The following ZNF765 variants were observed in gnomAD, a reference collection of about 807,000 sequenced individuals.
The protein encoded by ZNF765 is zinc finger protein 765.
A neutral mutation model predicts 44.7 loss-of-function variants in ZNF765; 37 were observed. The observed-to-expected ratio is 0.83, with a 90% CI of 0.64 to 1.09. The LOEUF (loss-of-function observed/expected upper bound fraction) is 1.09. ZNF765 is among the 50% of genes least tolerant of loss of function. The pLI, the probability that ZNF765 is intolerant of heterozygous loss-of-function variation, is 0.00. For missense variants in ZNF765, 594 were observed against 626.1 expected (o/e 0.95, Z 0.55); for synonymous variants, 201 against 213.7 (o/e 0.94, Z 0.52).
Position 53,408,090 on chromosome 19 carries a change from A to T in ZNF765, c.535A>T (p.Arg179Ter), listed in dbSNP as rs761040366. ...TGCTTCCTTGGTTTCAACAGCCCAAAGAATTTCTTGTAGGCCTGAAACCCA... is the reference window on the plus strand; with the variant it reads ...TGCTTCCTTGGTTTCAACAGCCCAATGAATTTCTTGTAGGCCTGAAACCCA... Reference protein sequence around the residue: ...HDASLVSTAQRISCRPETHIS... With the variant: ...HDASLVSTAQ The change falls in exon 4 of 4, where the codon AGA (arginine) becomes TGA (stop). Residue 179 changes from arginine (R) to a stop codon, truncating the protein, a stop_gained. Coordinates refer to ENST00000396408, the MANE Select transcript of ZNF765 (RefSeq NM_001040185.3). LOFTEE classifies it high-confidence loss of function. The T allele has an allele frequency of 6.2e-7, 1 of 1,614,194 alleles. No homozygotes were observed. The highest frequency in any genetic ancestry group is 1.1e-5 in the South Asian group (1 of 91,088).
intron 1 of ZNF765, among the ~76,000 whole-genome samples, chr19:53,397,090 G>C (rs910946235): frequency 7.2e-5 from 11 of 152,214 alleles, no homozygotes; most frequent in African/African-American, 1.9e-4. Flanking sequence ...AGAGGGACTC[G>C]GGAGTCTACT....
At chr19:53,402,212 G>C in intron 3 of ZNF765, 21 bp downstream of exon 3, 17 of 1,607,736 alleles carry the variant, frequency 1.1e-5, no homozygotes, top group Non-Finnish European at 1.4e-5. Flanking sequence ...CTTCCCTCCT[G>C]GGGATGTGCC....
chr19:53,403,025 AT>A lies in ZNF765; in HGVS notation c.142+836del, dbSNP rs531369323. On this transcript the variant is annotated intron_variant, in intron 3 of 3. Coordinates refer to ENST00000396408, the MANE Select transcript of ZNF765 (RefSeq NM_001040185.3). ...CCCCCTCTCTACTAAAAATACAAAAATTAGCCAGGTGTGGTGGCACGTGCCT... is the reference window on the plus strand; with the variant it reads ...CCCCCTCTCTACTAAAAATACAAAAATAGCCAGGTGTGGTGGCACGTGCCT... Among the ~76,000 whole-genome samples, 22 of 152,224 alleles carry A rather than the reference AT, an allele frequency of 1.4e-4. No individual in the cohort carries two copies. In the South Asian group the frequency reaches 4.1e-3, roughly 29 times the overall value.
chr19:53,403,126 A>T (rs1342102476), intron 3 of ZNF765, among the ~76,000 whole-genome samples: 1 of 151,602 alleles, frequency 6.6e-6, no homozygotes, highest in Admixed American at 6.6e-5. Context: ...TTGCCACTGC[A>T]CTCCAGACTG....
chr19:53,418,591 G>A (rs917576865), intron 3 of ZNF765, among the ~76,000 whole-genome samples: 1 of 152,036 alleles, frequency 6.6e-6, no homozygotes, highest in African/African-American at 2.4e-5. Context: ...GGAATAGAAG[G>A]AGGTATATAA....
At chr19:53,415,005 C>T (rs1327189595), downstream of ZNF765, among the ~76,000 whole-genome samples, 2 of 152,128 alleles carry the variant, frequency 1.3e-5, no homozygotes. Flanking sequence ...CGCACGGTGG[C>T]TTACACCTGT....
In ZNF765 at chr19:53,408,699, C is replaced by T. The variant is rs1484957850; in HGVS notation, c.1144C>T (p.Pro382Ser). Residue 382 changes from proline to serine, a missense_variant, in exon 4 of 4, where the codon CCT becomes TCT. Coordinates refer to ENST00000396408, the MANE Select transcript of ZNF765 (RefSeq NM_001040185.3). ...TCATAGAGTTCATACTGGAGAGAAA[C>T]CTTACAAGTGTAATGAGTGTAGCAA... Reference protein sequence around the residue: ...CHHRVHTGEKPYKCNECSKTF... With the variant: ...CHHRVHTGEKSYKCNECSKTF... The T allele has an allele frequency of 1.3e-6, 2 of 1,532,266 alleles. No individual in the cohort carries two copies. The highest frequency in any genetic ancestry group is 1.8e-6 in the Non-Finnish European group (2 of 1,128,514). The allele number at this position is 1,532,266 out of a possible 1,614,324, so 94.9% of individuals were successfully genotyped here.
chr19:53,422,626 G>A (rs1051811579), intron 3 of ZNF765, among the ~76,000 whole-genome samples: 11 of 151,860 alleles, frequency 7.2e-5, no homozygotes, highest in South Asian at 4.2e-4. Context: ...CCAGGCTGGC[G>A]TGCAGTGGCG....
chr19:53,413,388 C>T (rs1328629789), downstream of ZNF765: 10 of 553,046 alleles, frequency 1.8e-5, no homozygotes, highest in Middle Eastern at 3.5e-3. Context: ...GCTGTCTGAG[C>T]ATTACAATCA....
At chr19:53,405,937 AT>A (rs1568779011) in intron 3 of ZNF765, among the ~76,000 whole-genome samples, 58 of 94,474 alleles carry the variant, frequency 6.1e-4, no homozygotes, top group Non-Finnish European at 9.8e-4. Context: ...ATATATATAT[AT>A]ATATATATAT....
At position 53,409,811 on chromosome 19, in the gene ZNF765, A is replaced by C; in HGVS notation, c.*684A>C. 1.4e-6 allele frequency: 1 copy of C among 733,124 alleles called. No individual in the cohort carries two copies. 45.4% of individuals were successfully genotyped at this position (733,124 alleles called of 1,614,324 possible). A position where few individuals can be genotyped will look rare whatever the true frequency, so the allele number is the denominator to read the frequency against. ...GTGTAGTGAGTGTGGCAAGACCTTT[A>C]GTCTGAAGTCATACCTTACGCACCA... On this transcript the variant is annotated 3_prime_UTR_variant, in exon 4 of 4. Transcript: ENST00000396408.
At position 53,410,157 on chromosome 19, in the gene ZNF765, T is replaced by G. The variant is rs2085820354; in HGVS notation, c.*1030T>G. The G allele has an allele frequency of 7.3e-6, 3 of 411,300 alleles. No individual in the cohort carries two copies. Among genetic ancestry groups the G allele is most frequent in the Non-Finnish European group, 1.5e-5 (3 of 203,396 alleles). 25.5% of individuals were successfully genotyped at this position (411,300 alleles called of 1,614,324 possible). A position where few individuals can be genotyped will look rare whatever the true frequency, so the allele number is the denominator to read the frequency against. On this transcript the variant is annotated 3_prime_UTR_variant, in exon 4 of 4. Coordinates refer to ENST00000396408, the MANE Select transcript of ZNF765 (RefSeq NM_001040185.3). The stretch of plus-strand genomic sequence containing the variant: ...ACCTTGATAGTCATAGAATTCATAC[T>G]AGAGAGAAACCTTAGCAGTGTAATG...
chr19:53,420,945 G>T (rs2085903163), intron 3 of ZNF765, among the ~76,000 whole-genome samples: 1 of 152,082 alleles, frequency 6.6e-6, no homozygotes, highest in South Asian at 2.1e-4. Flanking sequence ...CACCCATAAA[G>T]GGTCTGTGCT....
chr19:53,406,075 C>T (rs2085773224), intron 3 of ZNF765, among the ~76,000 whole-genome samples: 1 of 146,822 alleles, frequency 6.8e-6, no homozygotes, highest in Admixed American at 6.9e-5. Context: ...TGTCACTCAG[C>T]TGGAGTGCAC....
rs554771888 is a variant in ZNF765, at chr19:53,409,650, A to T, written c.*523A>T. 25 of 1,300,916 alleles carry T rather than the reference A, an allele frequency of 1.9e-5. No individual in the cohort carries two copies. In the African/African-American group the frequency reaches 3.4e-4, roughly 17 times the overall value. The allele number at this position is 1,300,916 out of a possible 1,614,324, so 80.6% of individuals were successfully genotyped here. A position where few individuals can be genotyped will look rare whatever the true frequency, so the allele number is the denominator to read the frequency against. ...TGAGTGTGGCAAGACCTTTAGTCAG[A>T]ACTCATACCTTACACGCCATCGTAG... On this transcript the variant is annotated 3_prime_UTR_variant, in exon 4 of 4. Transcript: ENST00000396408.
intron 2 of ZNF765, among the ~76,000 whole-genome samples, chr19:53,400,268 G>A (rs752777941): frequency 9.9e-5 from 15 of 152,242 alleles, no homozygotes; most frequent in Middle Eastern, 3.4e-3. Flanking sequence ...GTTAGTAAAC[G>A]TGGATAGCTT....
intron 2 of ZNF765, among the ~76,000 whole-genome samples, chr19:53,401,600 G>A (rs1271300979): frequency 1.3e-5 from 2 of 151,974 alleles, no homozygotes; most frequent in East Asian, 3.9e-4. Flanking sequence ...TTTCTGGGCC[G>A]GGCACGGTGG....
At position 53,395,163 on chromosome 19, in the gene ZNF765, AC is replaced by A. The variant is rs1271362875; in HGVS notation, c.-103del. 6.6e-6 allele frequency: 1 copy of A among 152,356 alleles called. No homozygotes were observed. Among genetic ancestry groups the A allele is most frequent in the Admixed American group, 6.5e-5 (1 of 15,288 alleles). The allele number at this position is 152,356 out of a possible 1,614,324, so 9.4% of individuals were successfully genotyped here. ...CAGCTTCGCGCAGACCCGGAAGCGG[AC>A]GGCGTGGAGTGACTATCCCACCGCC... is the stretch of plus-strand genomic sequence containing the variant. On this transcript the variant is annotated 5_prime_UTR_variant, in exon 1 of 4. Transcript: ENST00000396408.
At position 53,408,841 on chromosome 19, in the gene ZNF765, G is replaced by T; in HGVS notation, c.1286G>T (p.Cys429Phe). The part of the protein sequence containing the change: ...TFNQQLTLNI[C>F]RLHSGEKPYK... The stretch of plus-strand genomic sequence containing the variant: ...AATCAGCAGTTAACCCTTAACATTT[G>T]TAGACTTCATAGTGGAGAGAAACCT... Residue 429 changes from cysteine to phenylalanine, a missense_variant, in exon 4 of 4, where the codon TGT becomes TTT. Coordinates refer to ENST00000396408, the MANE Select transcript of ZNF765 (RefSeq NM_001040185.3). 1 of 1,613,608 alleles carries T rather than the reference G, an allele frequency of 6.2e-7. No individual in the cohort carries two copies. Among genetic ancestry groups the T allele is most frequent in the Non-Finnish European group, 8.5e-7 (1 of 1,179,886 alleles).
Sources: gnomAD v4.1 joint callset for allele counts (sites outside exome capture counted in the v4.1 genomes callset) on GRCh38, gnomAD v4.1.1 for gene constraint, MANE v1.5 for transcripts, NCBI Gene and HGNC (gene_info 2026-07-23, HGNC 2026-07-21) for gene names.